RBPJ: variants seen among roughly 807,000 people sequenced by gnomAD.
RBPJ encodes recombination signal binding protein for immunoglobulin kappa J region.
Under a neutral mutation model 67.8 loss-of-function variants are expected in RBPJ, and 9 were observed. That is an observed-to-expected ratio of 0.13 (90% confidence interval 0.08 to 0.23). The LOEUF is 0.23. RBPJ is among the 10% of genes least tolerant of loss of function. The pLI, the probability that RBPJ is intolerant of heterozygous loss-of-function variation, is 1.00. For missense variants in RBPJ, 305 were observed against 595.6 expected, an observed-to-expected ratio of 0.51 and a Z score of 5.08; for synonymous variants, 198 against 203.3, an observed-to-expected ratio of 0.97 and a Z score of 0.22.
chr4:26,177,752 A>C (rs1716846842), intron 1 of RBPJ, among the ~76,000 whole-genome samples: 1 of 152,254 alleles, frequency 6.6e-6, no homozygotes, highest in African/African-American at 2.4e-5. Context: ...ATATATACTT[A>C]TCTTAGAAAA....
intron 1 of RBPJ, among the ~76,000 whole-genome samples, chr4:26,170,054 C>T (rs1305146093): frequency 2.0e-5 from 3 of 152,120 alleles, no homozygotes; most frequent in Non-Finnish European, 2.9e-5. Context: ...CACCGTGCTT[C>T]GGCTGGCGCA....
chr4:26,356,448 A>G (rs1174596290), intron 1 of RBPJ, among the ~76,000 whole-genome samples: 1 of 152,192 alleles, frequency 6.6e-6, no homozygotes, highest in Non-Finnish European at 1.5e-5. Context: ...CCCATTTGAA[A>G]TGTTGCACAA....
intron 1 of RBPJ, among the ~76,000 whole-genome samples, chr4:26,307,283 C>A (rs1407185901): frequency 6.6e-6 from 1 of 152,188 alleles, no homozygotes; most frequent in Non-Finnish European, 1.5e-5. Context: ...CACAGCATCC[C>A]TTTAACTAGA....
At chr4:26,360,610 T>TC (rs1186967148) in intron 1 of RBPJ, among the ~76,000 whole-genome samples, 1 of 151,234 alleles carries the variant, frequency 6.6e-6, no homozygotes, top group Non-Finnish European at 1.5e-5. Flanking sequence ...TTTTTTTTTT[T>TC]TGAGACAGAG....
intron 1 of RBPJ, among the ~76,000 whole-genome samples, chr4:26,167,765 T>C (rs1436621195): frequency 6.9e-6 from 1 of 145,528 alleles, no homozygotes; most frequent in Non-Finnish European, 1.5e-5. Context: ...TGAATAGGAG[T>C]GGTGAGAGAG....
At position 26,183,422 on chromosome 4, in the gene RBPJ, G is replaced by A. The variant is rs114760037; in HGVS notation, c.-167+19808G>A. Among the ~76,000 whole-genome samples, 374 of 152,244 alleles carry A rather than the reference G, an allele frequency of 2.5e-3. 3 individuals carry two copies. The highest frequency in any genetic ancestry group is 8.4e-3 in the African/African-American group (347 of 41,528). On this transcript the variant is annotated intron_variant, in intron 1 of 4. Coordinates refer to the RBPJ transcript ENST00000512351. Reference sequence around the variant, plus strand: ...AGAGCACACGTTCTTGTTAGTAACCGTCCATTCTTGTTAATAACCACCTGC... The same window carrying A: ...AGAGCACACGTTCTTGTTAGTAACCATCCATTCTTGTTAATAACCACCTGC...
At chr4:26,300,337 C>T (rs1722034569) in intron 1 of RBPJ, among the ~76,000 whole-genome samples, 1 of 152,138 alleles carries the variant, frequency 6.6e-6, no homozygotes. Flanking sequence ...TTTGAATGCT[C>T]ATCACTTTTC....
In RBPJ at chr4:26,382,234, C is replaced by A. The variant is rs557364383; in HGVS notation, c.21-4119C>A. On this transcript the variant is annotated intron_variant, in intron 1 of 10. Transcript: ENST00000355476. ...ACCTTCTTTCCCAGTATCCCTACTTCAAGATGGAGAGACAGTATAATCAGT... is the reference window on the plus strand; with the variant it reads ...ACCTTCTTTCCCAGTATCCCTACTTAAAGATGGAGAGACAGTATAATCAGT... Among the ~76,000 whole-genome samples, 231 of 152,246 alleles carry A rather than the reference C, an allele frequency of 1.5e-3. 1 individual carries two copies. Among genetic ancestry groups the A allele is most frequent in the African/African-American group, 5.2e-3 (214 of 41,548 alleles).
At position 26,321,086 on chromosome 4, in the gene RBPJ, A is replaced by T. The variant is rs755742218; in HGVS notation, c.20+38A>T. The T allele has an allele frequency of 2.2e-5, 33 of 1,522,754 alleles. No individual in the cohort carries two copies. In the South Asian group the frequency reaches 3.6e-4, roughly 17 times the overall value. 94.3% of individuals were successfully genotyped at this position (1,522,754 alleles called of 1,614,324 possible). The stretch of plus-strand genomic sequence containing the variant: ...GAATCGGAGCGCCGGGAACCGGGAA[A>T]GTTGCGGGCGTCTGGCAGCTCACGG... On this transcript the variant is annotated intron_variant, in intron 1 of 10. Coordinates refer to ENST00000355476, the MANE Select transcript of RBPJ (RefSeq NM_015874.6).
At chr4:26,286,057 G>GTGCCGCTGCAGTGCGCTATGATCT (rs1560244625) in intron 1 of RBPJ, among the ~76,000 whole-genome samples, 1 of 152,088 alleles carries the variant, frequency 6.6e-6, no homozygotes, top group Admixed American at 6.6e-5. Flanking sequence ...CGCTATGATC[G>GTGCCGCTGCAGTGCGCTATGATCT]TGCCGCTGCA....
At chr4:26,349,765 C>T (rs577046373) in intron 1 of RBPJ, among the ~76,000 whole-genome samples, 25 of 152,282 alleles carry the variant, frequency 1.6e-4, no homozygotes, top group African/African-American at 5.8e-4. Context: ...TTCATGGTTA[C>T]TCTCTGTCTC....
At chr4:26,181,655 T>C (rs920580410) in intron 1 of RBPJ, among the ~76,000 whole-genome samples, 2 of 152,216 alleles carry the variant, frequency 1.3e-5, no homozygotes, top group East Asian at 3.8e-4. Context: ...GGCTCAGTCA[T>C]AGGCTACAAA....
intron 1 of RBPJ, among the ~76,000 whole-genome samples, chr4:26,336,948 C>T (rs1724895009): frequency 6.6e-6 from 1 of 151,888 alleles, no homozygotes. Flanking sequence ...TGCTTCTGCC[C>T]CTGATGGTCT....
rs374619584 is a variant in RBPJ at position 26,350,405 on chromosome 4, C to G, written c.20+29357C>G. ...TTCCCCAAGTCATATTTCAGTCTTTCTGCCATGACAGGAAGGACAAGTCTT... is the reference window on the plus strand; with the variant it reads ...TTCCCCAAGTCATATTTCAGTCTTTGTGCCATGACAGGAAGGACAAGTCTT... On this transcript the variant is annotated intron_variant, in intron 1 of 10. Coordinates refer to ENST00000355476, the MANE Select transcript of RBPJ (RefSeq NM_015874.6). Among the ~76,000 whole-genome samples the G allele has an allele frequency of 2.0e-5, 3 of 150,654 alleles. No homozygotes were observed. The East Asian group carries it at 5.8e-4, about 29-fold the overall frequency.
chr4:26,433,675 C>T lies in RBPJ; in HGVS notation c.*2668C>T, dbSNP rs1302489480. The T allele has an allele frequency of 2.6e-5, 4 of 152,104 alleles. No homozygotes were observed. The highest frequency in any genetic ancestry group is 1.5e-5 in the Non-Finnish European group (1 of 68,022). The allele number at this position is 152,104 out of a possible 1,614,324, so 9.4% of individuals were successfully genotyped here. ...CCACCTATTTTTGGCCATTCTCATA[C>T]CACAGACTAAAGAGTGAAATGATTT... On this transcript the variant is annotated 3_prime_UTR_variant, in exon 11 of 11. Coordinates refer to ENST00000355476, the MANE Select transcript of RBPJ (RefSeq NM_015874.6).
chr4:26,396,522 A>G (rs372576818), intron 2 of RBPJ, among the ~76,000 whole-genome samples: 5 of 152,356 alleles, frequency 3.3e-5, no homozygotes, highest in African/African-American at 9.6e-5. Flanking sequence ...TCTAGTCCCA[A>G]ATTTTTCTCT....
chr4:26,269,055 G>A (rs1419793854), intron 1 of RBPJ, among the ~76,000 whole-genome samples: 1 of 152,050 alleles, frequency 6.6e-6, no homozygotes, highest in Admixed American at 6.6e-5. Flanking sequence ...CTTTAGTTTG[G>A]TGGGGATTGG....
At chr4:26,336,304 T>G (rs575567365) in intron 1 of RBPJ, among the ~76,000 whole-genome samples, 6 of 152,088 alleles carry the variant, frequency 3.9e-5, no homozygotes, top group African/African-American at 1.4e-4. Flanking sequence ...AAAGGAAGAG[T>G]TATGGTTACT....
At chr4:26,132,929 C>T in the RBPJ span, among the ~76,000 whole-genome samples, 1 of 152,144 alleles carries the variant, frequency 6.6e-6, no homozygotes, top group Non-Finnish European at 1.5e-5. Context: ...GGTGGGTTTT[C>T]GTACTGTTAT....
Sources: allele counts gnomAD v4.1 joint callset (sites outside exome capture counted in the v4.1 genomes callset), GRCh38; gene constraint gnomAD v4.1.1; transcripts MANE v1.5; gene names NCBI Gene and HGNC (gene_info 2026-07-23, HGNC 2026-07-21).